Variants in NUP214 observed in about 807,000 individuals in gnomAD.
NUP214 encodes nuclear pore complex protein Nup214.
NUP214 carries 79 observed loss-of-function variants against 196.2 expected under a neutral mutation model. The ratio of observed to expected loss-of-function variants is 0.40; its 90% CI spans 0.34 to 0.49. NUP214 has a LOEUF of 0.49. Among genes scored for constraint, NUP214 ranks in the 20% least tolerant of loss-of-function variants. The probability of loss-of-function intolerance (pLI) is 0.58; values close to 1 mark genes in which losing one functional copy is unlikely to be tolerated. For synonymous variants in NUP214, 1,020 were observed against 990.5 expected, an observed-to-expected ratio of 1.03 and a Z score of -0.56; for missense variants, 2,468 against 2,539.0, an observed-to-expected ratio of 0.97 and a Z score of 0.60.
chr9:131,175,590 A>G lies in NUP214; in HGVS notation c.3288A>G (p.Ala1096=). 5 of 1,614,188 alleles carry G rather than the reference A, an allele frequency of 3.1e-6. No homozygotes were observed. Among genetic ancestry groups the G allele is most frequent in the Non-Finnish European group, 4.2e-6 (5 of 1,180,022 alleles). ...CCCCGCAGGCAGCTGCCGCAGCAGCACTCAGGCGGCAGATGGCCAGTCAGG... is the reference window on the plus strand; with the variant it reads ...CCCCGCAGGCAGCTGCCGCAGCAGCGCTCAGGCGGCAGATGGCCAGTCAGG... The part of the protein sequence containing the change: ...ISAPQAAAAA[A]LRRQMASQAP... The change falls in exon 23 of 36, where the codon GCA becomes GCG. Residue 1096 remains alanine, a synonymous_variant. Coordinates refer to ENST00000359428, the MANE Select transcript of NUP214 (RefSeq NM_005085.4).
In NUP214 at chr9:131,232,390, G is replaced by A. The variant is rs368592053; in HGVS notation, c.6239+82G>A. ...AGTGTGTGGATCTTGCTGGATTTGT[G>A]CATTTTCTTTTCGTTTTTTCCTGTT... On this transcript the variant is annotated intron_variant, in intron 35 of 35. Transcript: ENST00000359428. This position sits in a 1 kb window ranked among gnomAD's most constrained non-coding sequence, Gnocchi z 5.1. 4.2e-6 allele frequency: 6 copies of A among 1,418,928 alleles called. No individual in the cohort carries two copies. The highest frequency in any genetic ancestry group is 6.0e-6 in the Non-Finnish European group (6 of 1,003,822). 87.9% of individuals were successfully genotyped at this position (1,418,928 alleles called of 1,614,324 possible).
At chr9:131,182,192 G>C (rs1367865843) in intron 24 of NUP214, among the ~76,000 whole-genome samples, 1 of 152,224 alleles carries the variant, frequency 6.6e-6, no homozygotes, top group Non-Finnish European at 1.5e-5. Context: ...TAAGATGGCA[G>C]ATTTTGTTAA....
At chr9:131,130,690 A>T in intron 4 of NUP214, 76 bp from the exon 5 acceptor site, 2 of 1,276,006 alleles carry the variant, frequency 1.6e-6, no homozygotes, top group Non-Finnish European at 2.3e-6. Context: ...GAGAATTGAT[A>T]ATTAGCTGTG....
intron 21 of NUP214, among the ~76,000 whole-genome samples, chr9:131,171,774 A>G (rs1484633394): frequency 1.3e-5 from 2 of 152,000 alleles, no homozygotes; most frequent in Non-Finnish European, 2.9e-5. Context: ...TCATTGTTCA[A>G]TTCCCACCTG....
At chr9:131,225,566 A>G (rs1052621375) in intron 32 of NUP214, among the ~76,000 whole-genome samples, 1 of 152,264 alleles carries the variant, frequency 6.6e-6, no homozygotes, top group African/African-American at 2.4e-5. Context: ...TTTCAGATAC[A>G]TAAGATGAGT....
Position 131,171,330 on chromosome 9 carries a change from G to A in NUP214, c.2894-2725G>A, listed in dbSNP as rs370447339. On this transcript the variant is annotated intron_variant, in intron 21 of 35. Transcript: ENST00000359428. ...TTGGAGGTTACATAGTTATTCCAGT[G>A]TCTCTTTCTGTCTAGTTCTTGAAGG... Among the ~76,000 whole-genome samples the A allele has an allele frequency of 5.3e-4, 80 of 152,306 alleles. 1 individual carries two copies. In the South Asian group the frequency reaches 0.014, roughly 26 times the overall value.
At chr9:131,135,234 T>A in intron 8 of NUP214, 1 of 459,062 alleles carries the variant, frequency 2.2e-6, no homozygotes, top group Non-Finnish European at 3.8e-6. Flanking sequence ...TACAAGCACA[T>A]GCCACCACAC....
intron 30 of NUP214, among the ~76,000 whole-genome samples, chr9:131,208,336 C>T (rs1834140319): frequency 6.6e-6 from 1 of 152,224 alleles, no homozygotes; most frequent in Admixed American, 6.5e-5. Context: ...AAGTGTCAAA[C>T]AGCAGATGAA....
At chr9:131,154,826 TGTG>T (rs1258933439) in intron 17 of NUP214, among the ~76,000 whole-genome samples, 2 of 91,756 alleles carry the variant, frequency 2.2e-5, no homozygotes, top group Admixed American at 2.0e-4. Context: ...TAGTAGTAGT[TGTG>T]TGTGTGTGTG....
rs750162416 is a variant in NUP214 at position 131,127,618 on chromosome 9, A to G, written c.140A>G (p.Lys47Arg). 5.5e-5 allele frequency: 88 copies of G among 1,614,038 alleles called. No individual in the cohort carries two copies. Among genetic ancestry groups the G allele is most frequent in the Non-Finnish European group, 6.9e-5 (82 of 1,180,020 alleles). ...ERSSLLAVSN[K>R]YGLVFAGGAS... ...TCGAGTCTGCTTGCTGTGTCCAACA[A>G]ATATGGTCTGGTCTTCGCTGGTGGA... Residue 47 changes from lysine (K) to arginine (R), a missense_variant, in exon 2 of 36, where the codon AAA becomes AGA. Transcript: ENST00000359428.
At position 131,218,262 on chromosome 9, in the gene NUP214, A is replaced by G. The variant is rs143080037; in HGVS notation, c.5749+2894A>G. Among the ~76,000 whole-genome samples, 78 of 152,334 alleles carry G rather than the reference A, an allele frequency of 5.1e-4. No individual in the cohort carries two copies. In the East Asian group the frequency reaches 0.013, roughly 25 times the overall value. On this transcript the variant is annotated intron_variant, in intron 31 of 35. Transcript: ENST00000359428. ...TTTGGGGTACTAGGTGTATGATTCA[A>G]TAGTGAAAGGGACAGGAATTGTTTT...
intron 24 of NUP214, among the ~76,000 whole-genome samples, chr9:131,178,732 G>A (rs953491267): frequency 6.6e-6 from 1 of 150,948 alleles, no homozygotes; most frequent in Non-Finnish European, 1.5e-5. Context: ...TGCCCTAGGG[G>A]TTCCAGAGTT....
In NUP214 at chr9:131,197,699, C is replaced by T. The variant is rs781222399; in HGVS notation, c.4205C>T (p.Ala1402Val). The T allele has an allele frequency of 1.2e-6, 2 of 1,614,202 alleles. No individual in the cohort carries two copies. Among genetic ancestry groups the T allele is most frequent in the South Asian group, 2.2e-5 (2 of 91,084 alleles). Residue 1402 changes from alanine (A) to valine (V), a missense_variant, in exon 29 of 36, where the codon GCC (alanine) becomes GTC (valine). By Grantham distance (64) the Ala-to-Val change is moderately conservative (BLOSUM62 0). Around this residue, in one of 5 missense-constraint regions of NUP214, gnomAD observed 1,801 missense variants for 1,779.4 expected, o/e 1.01. Coordinates refer to ENST00000359428, the MANE Select transcript of NUP214 (RefSeq NM_005085.4). ...ATTTSVAPPAATSTSSTAVFG... is the reference protein window; with the variant it reads ...ATTTSVAPPAVTSTSSTAVFG... ...ACCACCTCAGTAGCACCACCAGCAG[C>T]CACCAGCACTTCCTCAACTGCCGTT...
rs762345564 is a variant in NUP214 at position 131,164,080 on chromosome 9, A to G, written c.2829A>G (p.Lys943=). The change falls in exon 21 of 36, where the codon AAA becomes AAG. Residue 943 remains lysine, a synonymous_variant. Coordinates refer to ENST00000359428, the MANE Select transcript of NUP214 (RefSeq NM_005085.4). ...TTGCAGCCAAACTGTCCCCCATGAAACAGGCACAACTGAGAAACTTCTTGG... is the reference window on the plus strand; with the variant it reads ...TTGCAGCCAAACTGTCCCCCATGAAGCAGGCACAACTGAGAAACTTCTTGG... ...PKVPAKLSPM[K]QAQLRNFLAK... is the part of the protein sequence containing the mutation. 16 of 1,614,048 alleles carry G rather than the reference A, an allele frequency of 9.9e-6. No individual in the cohort carries two copies. In the East Asian group the frequency reaches 3.3e-4, roughly 34 times the overall value.
intron 28 of NUP214, among the ~76,000 whole-genome samples, chr9:131,196,577 A>G (rs1833797349): frequency 6.6e-6 from 1 of 152,132 alleles, no homozygotes; most frequent in South Asian, 2.1e-4. Context: ...AATGATCTAG[A>G]TTTTCCAAAT....
At chr9:131,218,379 A>G (rs1004267302) in intron 31 of NUP214, among the ~76,000 whole-genome samples, 1 of 152,158 alleles carries the variant, frequency 6.6e-6, no homozygotes, top group Non-Finnish European at 1.5e-5. Context: ...TGTCCTCACC[A>G]CAGTACTCAG....
At chr9:131,147,792 A>G (rs551075024) in intron 14 of NUP214, among the ~76,000 whole-genome samples, 1 of 152,260 alleles carries the variant, frequency 6.6e-6, no homozygotes, top group African/African-American at 2.4e-5. Context: ...TTCATGTATA[A>G]TACAAATAGA....
chr9:131,202,386 TAC>T lies in NUP214; in HGVS notation c.5592+685_5592+686del, dbSNP rs139696944. On this transcript the variant is annotated intron_variant, in intron 30 of 35. Transcript: ENST00000359428. ...GTCTATATGTATACATATATGTGTG[TAC>T]ACACACACACACACATATATATATT... Among the ~76,000 whole-genome samples, 375 of 151,264 alleles carry T rather than the reference TAC, an allele frequency of 2.5e-3. 3 individuals carry two copies. The highest frequency in any genetic ancestry group is 4.2e-3 in the Admixed American group (64 of 15,154).
At chr9:131,158,127 G>A (rs531387982) in intron 17 of NUP214, among the ~76,000 whole-genome samples, 43 of 152,270 alleles carry the variant, frequency 2.8e-4, no homozygotes, top group South Asian at 1.7e-3. Context: ...TGCCCAGGCC[G>A]GAGTGCAGTG....
Sources: gnomAD v4.1 joint callset for allele counts (sites outside exome capture counted in the v4.1 genomes callset) on GRCh38, gnomAD v4.1.1 for gene constraint, gnomAD v4.1.1 regional missense constraint, Gnocchi (gnomAD v3.1) non-coding constraint, MANE v1.5 for transcripts, NCBI Gene and HGNC (gene_info 2026-07-23, HGNC 2026-07-21) for gene names.